The following DSE variants were observed in gnomAD, a reference collection of about 807,000 sequenced individuals.
DSE encodes dermatan-sulfate epimerase.
A neutral mutation model predicts 84.4 loss-of-function variants in DSE; 36 were observed. The observed-to-expected ratio is 0.43, with a 90% CI of 0.33 to 0.56. DSE has a LOEUF of 0.56. Among genes scored for constraint, DSE ranks in the 20% least tolerant of loss-of-function variants. DSE has a pLI of 0.06. For missense variants in DSE, 862 were observed against 1,169.6 expected, an observed-to-expected ratio of 0.74 and a Z score of 3.84; for synonymous variants, 410 against 430.1, an observed-to-expected ratio of 0.95 and a Z score of 0.58.
chr6:116,383,727 C>G (rs1780397269), intron 1 of DSE, among the ~76,000 whole-genome samples: 1 of 152,160 alleles, frequency 6.6e-6, no homozygotes, highest in Non-Finnish European at 1.5e-5. Flanking sequence ...TTTCTATCCC[C>G]AATTTACAGA....
chr6:116,271,567 G>C (rs1478882003), intron 2 of DSE, among the ~76,000 whole-genome samples: 1 of 152,192 alleles, frequency 6.6e-6, no homozygotes, highest in Non-Finnish European at 1.5e-5. Context: ...TCAATGACCA[G>C]AGGATGACAG....
chr6:116,368,326 C>T (rs970691865), upstream of DSE, among the ~76,000 whole-genome samples: 4 of 152,164 alleles, frequency 2.6e-5, no homozygotes, highest in African/African-American at 4.8e-5. Flanking sequence ...AATCCAGTGT[C>T]GGTTGGCAGA....
chr6:116,266,771 C>T (rs1772646681), intron 2 of DSE, among the ~76,000 whole-genome samples: 2 of 152,116 alleles, frequency 1.3e-5, no homozygotes, highest in South Asian at 4.1e-4. Flanking sequence ...TTAGTGTTAA[C>T]TAATGGCTTA....
intron 2 of DSE, among the ~76,000 whole-genome samples, chr6:116,291,309 C>A (rs1391245114): frequency 6.6e-6 from 1 of 151,740 alleles, no homozygotes; most frequent in Non-Finnish European, 1.5e-5. Context: ...AATTTGTATT[C>A]CTATATTGAT....
intron 2 of DSE, among the ~76,000 whole-genome samples, chr6:116,355,118 A>C (rs190141098): frequency 2.4e-4 from 36 of 152,230 alleles, no homozygotes; most frequent in Non-Finnish European, 4.3e-4. Flanking sequence ...AATTTAAACA[A>C]CACCATGTTG....
intron 2 of DSE, among the ~76,000 whole-genome samples, chr6:116,281,688 GT>G: frequency 6.6e-6 from 1 of 152,216 alleles, no homozygotes; most frequent in Non-Finnish European, 1.5e-5. Flanking sequence ...GTTTCCCTCT[GT>G]TTATCGAGTG....
At chr6:116,298,956 G>A (rs575086581) in intron 2 of DSE, among the ~76,000 whole-genome samples, 10 of 152,246 alleles carry the variant, frequency 6.6e-5, no homozygotes, top group East Asian at 3.9e-4. Context: ...TTTTGAACCC[G>A]TAGGCATTGT....
chr6:116,293,458 G>A (rs1774431653), intron 2 of DSE, among the ~76,000 whole-genome samples: 1 of 151,990 alleles, frequency 6.6e-6, no homozygotes, highest in African/African-American at 2.4e-5. Context: ...TTTTGGGAGA[G>A]ACAGGGTTTC....
chr6:116,311,459 G>A (rs1289248120), intron 2 of DSE, among the ~76,000 whole-genome samples: 2 of 152,160 alleles, frequency 1.3e-5, no homozygotes, highest in African/African-American at 2.4e-5. Context: ...GATTCCACCA[G>A]GCTATGCTGA....
intron 2 of DSE, chr6:116,400,543 C>T (rs927732813): frequency 2.0e-5 from 3 of 152,096 alleles, no homozygotes; most frequent in Admixed American, 6.5e-5. Flanking sequence ...TGAATTACAT[C>T]TTAACATATC....
At chr6:116,324,546 A>G (rs961863342) in intron 2 of DSE, among the ~76,000 whole-genome samples, 1 of 152,232 alleles carries the variant, frequency 6.6e-6, no homozygotes, top group African/African-American at 2.4e-5. Context: ...GCTTTAGAAT[A>G]GGATAGTTGC....
intron 2 of DSE, among the ~76,000 whole-genome samples, chr6:116,359,427 T>C (rs1778761024): frequency 6.6e-6 from 1 of 152,180 alleles, no homozygotes. Context: ...TTAAGGATTT[T>C]AGTAATTGTT....
chr6:116,343,820 G>A (rs946490361), intron 2 of DSE, among the ~76,000 whole-genome samples: 64 of 152,080 alleles, frequency 4.2e-4, no homozygotes, highest in South Asian at 4.1e-4. Context: ...TCAGACGATC[G>A]GTAATAACAA....
chr6:116,394,071 G>C (rs1200803045), intron 1 of DSE, among the ~76,000 whole-genome samples: 1 of 151,818 alleles, frequency 6.6e-6, no homozygotes, highest in African/African-American at 2.4e-5. Flanking sequence ...AAAGAATCTT[G>C]GCTTAGGATT....
intron 2 of DSE, among the ~76,000 whole-genome samples, chr6:116,354,247 G>A (rs763393487): frequency 2.4e-4 from 36 of 152,162 alleles, no homozygotes; most frequent in Non-Finnish European, 3.2e-4. Context: ...TAAGGAGATG[G>A]GATAACAGTA....
chr6:116,399,325 C>T lies in DSE; in HGVS notation c.75C>T (p.Thr25=), dbSNP rs752936676. 31 of 1,613,884 alleles carry T rather than the reference C, an allele frequency of 1.9e-5. 2 individuals carry two copies. Among genetic ancestry groups the T allele is most frequent in the South Asian group, 1.8e-4 (16 of 91,086 alleles). ...TTTGCTTTGTGTCAGCCTACATCACCGACGAGAACCCAGAAGTTATGATTC... is the reference window on the plus strand; with the variant it reads ...TTTGCTTTGTGTCAGCCTACATCACTGACGAGAACCCAGAAGTTATGATTC... ...YLLCFVSAYI[T]DENPEVMIPF... is the part of the protein sequence containing the mutation. The change falls in exon 2 of 6, where the codon ACC becomes ACT. Residue 25 remains threonine, a synonymous_variant. Transcript: ENST00000644252.
At chr6:116,395,563 T>C (rs186796104) in intron 1 of DSE, among the ~76,000 whole-genome samples, 21 of 152,324 alleles carry the variant, frequency 1.4e-4, no homozygotes, top group African/African-American at 5.1e-4. Flanking sequence ...ATTTTTGCCA[T>C]ATCCATTTAC....
intron 2 of DSE, among the ~76,000 whole-genome samples, chr6:116,327,918 TCTGTTA>T (rs1160888656): frequency 6.6e-6 from 1 of 152,160 alleles, no homozygotes; most frequent in Non-Finnish European, 1.5e-5. Flanking sequence ...TAAATTCAGG[TCTGTTA>T]CTTAACATGG....
At chr6:116,309,641 C>G (rs779474894) in intron 2 of DSE, among the ~76,000 whole-genome samples, 1 of 152,210 alleles carries the variant, frequency 6.6e-6, no homozygotes, top group Admixed American at 6.5e-5. Flanking sequence ...TCTAACAGTT[C>G]TGAAGGCTGG....
Sources: allele counts gnomAD v4.1 joint callset (sites outside exome capture counted in the v4.1 genomes callset), GRCh38; gene constraint gnomAD v4.1.1; transcripts MANE v1.5; gene names NCBI Gene and HGNC (gene_info 2026-07-23, HGNC 2026-07-21).